The following XYLT1 variants were observed in gnomAD, a reference collection of about 807,000 sequenced individuals.
The protein encoded by XYLT1 is beta-D-xylosyltransferase 1.
In XYLT1, 36 loss-of-function variants were observed where a neutral mutation model predicts 91.3. That is an observed-to-expected ratio of 0.39 (90% CI 0.30 to 0.52). XYLT1 has a LOEUF of 0.52. Among genes scored for constraint, XYLT1 ranks in the 20% least tolerant of loss-of-function variants. The probability of loss-of-function intolerance (pLI) is 0.68; values close to 1 mark genes in which losing one functional copy is unlikely to be tolerated. For missense variants in XYLT1, 1,242 were observed against 1,284.5 expected, an observed-to-expected ratio of 0.97 and a Z score of 0.51; for synonymous variants, 588 against 532.0, an observed-to-expected ratio of 1.11 and a Z score of -1.45.
chr16:17,141,195 G>T lies in XYLT1; in HGVS notation c.1545C>A (p.Thr515=). ...YVTFSTDDLV[T]KMKQFYSYTL... Reference sequence around the variant, plus strand: ...TGTAGGAGTAGAACTGTTTCATCTTGGTCACCAGATCGTCTGTGGAGAAGG... The same window carrying T: ...TGTAGGAGTAGAACTGTTTCATCTTTGTCACCAGATCGTCTGTGGAGAAGG... The change falls in exon 7 of 12, where the codon ACC becomes ACA. Residue 515 remains threonine (T), a synonymous_variant. Coordinates refer to ENST00000261381, the MANE Select transcript of XYLT1 (RefSeq NM_022166.4). 6.2e-7 allele frequency: 1 copy of T among 1,614,166 alleles called. No homozygotes were observed. The highest frequency in any genetic ancestry group is 8.5e-7 in the Non-Finnish European group (1 of 1,180,024).
intron 2 of XYLT1, among the ~76,000 whole-genome samples, chr16:17,276,436 A>ACTG (rs1344118406): frequency 7.2e-5 from 11 of 152,242 alleles, no homozygotes; most frequent in Non-Finnish European, 1.3e-4. Flanking sequence ...AAGCTTTTGG[A>ACTG]AAATGATTTC....
rs116112872 is a variant in XYLT1, at chr16:17,360,767, C to T, written c.364-2717G>A. Among the ~76,000 whole-genome samples, 761 of 152,290 alleles carry T rather than the reference C, an allele frequency of 5.0e-3. 6 individuals are homozygous for T. Among genetic ancestry groups the T allele is most frequent in the African/African-American group, 0.017 (720 of 41,546 alleles). On this transcript the variant is annotated intron_variant, in intron 1 of 11. Transcript: ENST00000261381. Reference sequence around the variant, plus strand: ...GGTCAATGATGCTGTCTGCCTAATCCATCCTATCTGTCTAAATTGGGACTC... The same window carrying T: ...GGTCAATGATGCTGTCTGCCTAATCTATCCTATCTGTCTAAATTGGGACTC...
chr16:17,381,255 G>A (rs764734031), intron 1 of XYLT1, among the ~76,000 whole-genome samples: 1 of 152,046 alleles, frequency 6.6e-6, no homozygotes, highest in Non-Finnish European at 1.5e-5. Context: ...ATAATTTGGG[G>A]TGATGATGTC....
intron 9 of XYLT1, among the ~76,000 whole-genome samples, chr16:17,129,111 C>T (rs893934703): frequency 6.9e-6 from 1 of 145,728 alleles, no homozygotes; most frequent in Non-Finnish European, 1.5e-5. Flanking sequence ...GAACAGTCTT[C>T]AGATGGTTTG....
At position 17,108,915 on chromosome 16, in the gene XYLT1, TG is replaced by T; in HGVS notation, c.2659del (p.Gln887ArgfsTer97). 1 of 1,602,414 alleles carries T rather than the reference TG, an allele frequency of 6.2e-7. No individual in the cohort carries two copies. Among genetic ancestry groups the T allele is most frequent in the Non-Finnish European group, 8.5e-7 (1 of 1,171,382 alleles). ...PVLSLPINPA[Q>X]VEQARRNAAS... ...TGCGTTCCTCCGTGCCTGTTCCACC[TG>T]GGCGGGGTTGATGGGCAGGCTGAGG... is the stretch of plus-strand genomic sequence containing the variant. On this transcript the variant is annotated frameshift_variant, in exon 12 of 12. Transcript: ENST00000261381. LOFTEE classifies it high-confidence loss of function.
chr16:17,172,399 A>G (rs1281531062), intron 5 of XYLT1, among the ~76,000 whole-genome samples: 3 of 152,012 alleles, frequency 2.0e-5, no homozygotes, highest in African/African-American at 7.2e-5. Flanking sequence ...CCAGTTCTTC[A>G]GCAATTCAGG....
intron 2 of XYLT1, among the ~76,000 whole-genome samples, chr16:17,345,649 G>A (rs1386799864): frequency 6.6e-6 from 1 of 152,230 alleles, no homozygotes; most frequent in Non-Finnish European, 1.5e-5. Context: ...CAAAGGTGAT[G>A]CACTGAGCAA....
At chr16:17,310,897 G>A (rs142976688) in intron 2 of XYLT1, among the ~76,000 whole-genome samples, 27 of 152,262 alleles carry the variant, frequency 1.8e-4, no homozygotes, top group Non-Finnish European at 3.7e-4. Context: ...TTTGTTCCGA[G>A]TGTAGACAAA....
At chr16:17,453,326 G>A (rs2036692440) in intron 1 of XYLT1, among the ~76,000 whole-genome samples, 1 of 152,224 alleles carries the variant, frequency 6.6e-6, no homozygotes, top group South Asian at 2.1e-4. Flanking sequence ...GGTAAAGTGG[G>A]TTGGCTTAGG....
chr16:17,121,978 G>GTGCA (rs2030073981), intron 10 of XYLT1, among the ~76,000 whole-genome samples: 2 of 139,616 alleles, frequency 1.4e-5, no homozygotes, highest in African/African-American at 3.0e-5. Flanking sequence ...ATATATATAT[G>GTGCA]CGCACACACA....
intron 1 of XYLT1, among the ~76,000 whole-genome samples, chr16:17,452,803 T>G (rs902649584): frequency 1.3e-5 from 2 of 152,148 alleles, no homozygotes; most frequent in African/African-American, 4.8e-5. Flanking sequence ...CAGTTGTAAT[T>G]AGCACGTTAG....
At chr16:17,334,235 G>A (rs142877455) in intron 2 of XYLT1, among the ~76,000 whole-genome samples, 50 of 152,238 alleles carry the variant, frequency 3.3e-4, no homozygotes, top group African/African-American at 1.0e-3. Flanking sequence ...AACTTAGGCC[G>A]GGGCTTTAAA....
chr16:17,460,522 C>G (rs904189150), intron 1 of XYLT1, among the ~76,000 whole-genome samples: 2 of 152,170 alleles, frequency 1.3e-5, no homozygotes, highest in African/African-American at 4.8e-5. Context: ...AGGGTAACCA[C>G]AGATGCTCAT....
intron 2 of XYLT1, among the ~76,000 whole-genome samples, chr16:17,343,082 A>G (rs115447045): frequency 0.029 from 4,376 of 152,358 alleles, 171 homozygotes; most frequent in African/African-American, 0.083. Flanking sequence ...CTCACGGCCA[A>G]CATGGCACAC....
At chr16:17,352,798 C>A (rs953132319) in intron 2 of XYLT1, among the ~76,000 whole-genome samples, 4 of 152,110 alleles carry the variant, frequency 2.6e-5, no homozygotes, top group Non-Finnish European at 5.9e-5. Flanking sequence ...CTATTTGTAC[C>A]TTTTTCATCT....
chr16:17,125,906 C>T (rs1406333488), intron 10 of XYLT1, among the ~76,000 whole-genome samples: 1 of 152,140 alleles, frequency 6.6e-6, no homozygotes, highest in Non-Finnish European at 1.5e-5. Context: ...TCTTTTATTT[C>T]CAAGTCAACA....
intron 1 of XYLT1, among the ~76,000 whole-genome samples, chr16:17,462,652 G>A (rs925922716): frequency 3.9e-5 from 6 of 152,248 alleles, no homozygotes; most frequent in South Asian, 2.1e-4. Context: ...ACCACAGAGC[G>A]GTCTGAAGGA....
chr16:17,468,211 C>A (rs1443139874), intron 1 of XYLT1, among the ~76,000 whole-genome samples: 2 of 152,042 alleles, frequency 1.3e-5, no homozygotes, highest in East Asian at 3.9e-4. Flanking sequence ...CTCCAGCCAG[C>A]CTGTCTGTAC....
In XYLT1 at chr16:17,109,123, A is replaced by G; in HGVS notation, c.2558-106T>C. 3 of 1,122,378 alleles carry G rather than the reference A, an allele frequency of 2.7e-6. No homozygotes were observed. In the South Asian group the frequency reaches 6.9e-5, roughly 26 times the overall value. 69.5% of individuals were successfully genotyped at this position (1,122,378 alleles called of 1,614,324 possible). ...TGCACTGGGTGCCATGCATCGCCTC[A>G]TTTAATTCACATGACAATCTCATGA... On this transcript the variant is annotated intron_variant, in intron 11 of 11. Transcript: ENST00000261381.
Sources: allele counts gnomAD v4.1 joint callset (sites outside exome capture counted in the v4.1 genomes callset), GRCh38; gene constraint gnomAD v4.1.1; transcripts MANE v1.5; gene names NCBI Gene and HGNC (gene_info 2026-07-23, HGNC 2026-07-21).